EPB41L2: variants seen among roughly 807,000 people sequenced by gnomAD.
EPB41L2 encodes band 4.1-like protein 2.
Under a neutral mutation model 113.0 loss-of-function variants are expected in EPB41L2, and 43 were observed. That is an observed-to-expected ratio of 0.38 (90% confidence interval 0.30 to 0.49). EPB41L2 has a LOEUF of 0.49. Among genes scored for constraint, EPB41L2 ranks in the 20% least tolerant of loss-of-function variants. The pLI is 0.95. For synonymous variants in EPB41L2, 442 were observed against 436.7 expected (o/e 1.01, Z -0.15); for missense variants, 1,147 against 1,223.4 (o/e 0.94, Z 0.93).
At chr6:130,886,411 C>G (rs1049601307) in intron 11 of EPB41L2, among the ~76,000 whole-genome samples, 14 of 152,128 alleles carry the variant, frequency 9.2e-5, no homozygotes, top group Non-Finnish European at 2.1e-4. Context: ...TCTTCCAAGA[C>G]TCTTCACCCC....
At chr6:130,843,538 AC>A (rs1189865314) in intron 19 of EPB41L2, among the ~76,000 whole-genome samples, 3 of 152,246 alleles carry the variant, frequency 2.0e-5, no homozygotes, top group African/African-American at 7.2e-5. Context: ...TTTCACTTTT[AC>A]ACTATCACAG....
chr6:130,858,281 G>T (rs1451178340), intron 18 of EPB41L2, 38 bp from the exon 19 acceptor site: 2 of 1,530,598 alleles, frequency 1.3e-6, no homozygotes, highest in South Asian at 2.4e-5. Context: ...GTGAGCTGGG[G>T]AACAGCCTCC....
intron 17 of EPB41L2, among the ~76,000 whole-genome samples, chr6:130,864,362 G>GA (rs1363812973): frequency 6.6e-6 from 1 of 152,210 alleles, no homozygotes; most frequent in East Asian, 1.9e-4. Flanking sequence ...AGATGGATGA[G>GA]ATTTTTGTTG....
chr6:130,955,411 G>A lies in EPB41L2; in HGVS notation c.493-94C>T, dbSNP rs975497792. Reference sequence around the variant, plus strand: ...AAAATCTTTCATAAGAATTAGGATCGTTACTTTAAACACTGTAACTTTCAG... The same window carrying A: ...AAAATCTTTCATAAGAATTAGGATCATTACTTTAAACACTGTAACTTTCAG... On this transcript the variant is annotated intron_variant, in intron 2 of 19. Coordinates refer to ENST00000337057, the MANE Select transcript of EPB41L2 (RefSeq NM_001431.4). 52 of 1,207,868 alleles carry A rather than the reference G, an allele frequency of 4.3e-5. 1 individual carries two copies. In the South Asian group the frequency reaches 5.3e-4, roughly 12 times the overall value. 74.8% of individuals were successfully genotyped at this position (1,207,868 alleles called of 1,614,324 possible). A position where few individuals can be genotyped will look rare whatever the true frequency, so the allele number is the denominator to read the frequency against.
intron 1 of EPB41L2, among the ~76,000 whole-genome samples, chr6:130,985,710 T>C (rs1780394999): frequency 6.6e-6 from 1 of 152,160 alleles, no homozygotes; most frequent in Admixed American, 6.5e-5. Context: ...TCAGAGGTAA[T>C]GCTGAAATAT....
At chr6:130,865,794 G>A (rs1009730342) in intron 16 of EPB41L2, 160 bp from the exon 17 acceptor site, 20 of 662,496 alleles carry the variant, frequency 3.0e-5, no homozygotes, top group Admixed American at 1.7e-4. Flanking sequence ...ATTTGAAACC[G>A]AGTAGAGGCA....
chr6:130,908,121 C>A (rs1249744775), intron 5 of EPB41L2, among the ~76,000 whole-genome samples: 1 of 152,036 alleles, frequency 6.6e-6, no homozygotes, highest in Non-Finnish European at 1.5e-5. Context: ...GGCACAGATA[C>A]CAAAAAAACA....
intron 1 of EPB41L2, among the ~76,000 whole-genome samples, chr6:131,049,783 T>C (rs1796171795): frequency 6.6e-6 from 1 of 152,240 alleles, no homozygotes; most frequent in Admixed American, 6.5e-5. Flanking sequence ...TTTGGAAGAC[T>C]GAGCTCTGTC....
intron 1 of EPB41L2, among the ~76,000 whole-genome samples, chr6:131,000,233 CT>C (rs1221389933): frequency 6.6e-6 from 1 of 151,942 alleles, no homozygotes; most frequent in Non-Finnish European, 1.5e-5. Context: ...GGAGGATCTT[CT>C]TCCTTCACTG....
At chr6:130,917,291 T>G (rs1458155129) in intron 4 of EPB41L2, among the ~76,000 whole-genome samples, 1 of 152,178 alleles carries the variant, frequency 6.6e-6, no homozygotes, top group African/African-American at 2.4e-5. Context: ...TTAGTCAGGC[T>G]CCTCTGAATC....
chr6:130,868,836 C>T (rs971679789), intron 15 of EPB41L2: 10 of 152,136 alleles, frequency 6.6e-5, no homozygotes, highest in African/African-American at 2.4e-4. Flanking sequence ...ATAGATAATC[C>T]ACAAAACATA....
intron 19 of EPB41L2, among the ~76,000 whole-genome samples, chr6:130,845,392 T>C (rs1776721503): frequency 6.6e-6 from 1 of 152,136 alleles, no homozygotes; most frequent in Non-Finnish European, 1.5e-5. Flanking sequence ...TTCTTTTTTT[T>C]TTAGAGGCAG....
At chr6:130,937,799 G>A (rs1342740000) in intron 3 of EPB41L2, among the ~76,000 whole-genome samples, 1 of 141,542 alleles carries the variant, frequency 7.1e-6, no homozygotes, top group East Asian at 2.0e-4. Flanking sequence ...CTGGGTGACA[G>A]AGTGAGACTC....
chr6:130,883,738 G>T (rs1199450008), intron 12 of EPB41L2, among the ~76,000 whole-genome samples: 1 of 152,188 alleles, frequency 6.6e-6, no homozygotes, highest in African/African-American at 2.4e-5. Context: ...GTCAGCAATT[G>T]AAAGAAACCT....
At chr6:130,906,576 CA>C (rs1440033548) in intron 5 of EPB41L2, among the ~76,000 whole-genome samples, 7 of 152,106 alleles carry the variant, frequency 4.6e-5, no homozygotes, top group African/African-American at 1.7e-4. Context: ...GAAATGTTTA[CA>C]TACTAGTCAT....
chr6:130,947,017 A>ACC (rs58960778), intron 3 of EPB41L2, among the ~76,000 whole-genome samples: 5,538 of 111,478 alleles, frequency 0.05, 217 homozygotes, highest in African/African-American at 0.12. Context: ...AATAAAGAAG[A>ACC]CCCCCCCCCC....
At chr6:130,929,859 A>T (rs538846092) in intron 3 of EPB41L2, among the ~76,000 whole-genome samples, 2 of 81,274 alleles carry the variant, frequency 2.5e-5, no homozygotes, top group East Asian at 1.8e-3. Flanking sequence ...ACAGACAGTC[A>T]CACACACACA....
At chr6:131,034,761 C>A (rs1381937888) in intron 1 of EPB41L2, among the ~76,000 whole-genome samples, 1 of 152,174 alleles carries the variant, frequency 6.6e-6, no homozygotes, top group Non-Finnish European at 1.5e-5. Context: ...GATCACCCTA[C>A]AACTCCTGAA....
chr6:130,888,005 G>A (rs1791592175), intron 11 of EPB41L2, among the ~76,000 whole-genome samples: 1 of 152,076 alleles, frequency 6.6e-6, no homozygotes, highest in South Asian at 2.1e-4. Flanking sequence ...CACTTGCTAT[G>A]TAATCATAAG....
Sources: gnomAD v4.1 joint callset for allele counts (sites outside exome capture counted in the v4.1 genomes callset) on GRCh38, gnomAD v4.1.1 for gene constraint, MANE v1.5 for transcripts, NCBI Gene and HGNC (gene_info 2026-07-23, HGNC 2026-07-21) for gene names.